ENAH: variants seen among roughly 807,000 people sequenced by gnomAD.
ENAH encodes the protein ENAH actin regulator, also known as protein enabled homolog.
ENAH carries 23 observed loss-of-function variants against 78.7 expected under a neutral mutation model. The ratio of observed to expected loss-of-function variants is 0.29; its 90% CI spans 0.21 to 0.41. ENAH has a LOEUF of 0.41. ENAH is among the 10% of genes least tolerant of loss of function. The pLI is 1.00. For missense variants in ENAH, 544 were observed against 691.0 expected, an observed-to-expected ratio of 0.79 and a Z score of 2.39; for synonymous variants, 226 against 241.0, an observed-to-expected ratio of 0.94 and a Z score of 0.58.
At chr1:225,632,108 T>G (rs1030946694) in intron 1 of ENAH, among the ~76,000 whole-genome samples, 22 of 152,354 alleles carry the variant, frequency 1.4e-4, no homozygotes, top group East Asian at 3.9e-4. Context: ...TTAAATACTT[T>G]CATTGTTTAG....
At position 225,488,471 on chromosome 1, in the gene ENAH, T is replaced by C. The variant is rs1029433733; in HGVS notation, c.*9304A>G. The stretch of plus-strand genomic sequence containing the variant: ...TCCCACCAGCTACATAATAGGGACT[T>C]TCAGGATGCTCCTATAAATACAGAC... On this transcript the variant is annotated 3_prime_UTR_variant, in exon 14 of 14. Coordinates refer to ENST00000366843, the MANE Select transcript of ENAH (RefSeq NM_018212.6). 18 of 152,112 alleles carry C rather than the reference T, an allele frequency of 1.2e-4. No individual in the cohort carries two copies. The highest frequency in any genetic ancestry group is 3.4e-4 in the African/African-American group (14 of 41,410). 9.4% of individuals were successfully genotyped at this position (152,112 alleles called of 1,614,324 possible).
rs1381768646 is a variant in ENAH at position 225,491,731 on chromosome 1, T to G, written c.*6044A>C. 1 of 152,194 alleles carries G rather than the reference T, an allele frequency of 6.6e-6. No individual in the cohort carries two copies. The highest frequency in any genetic ancestry group is 1.9e-4 in the East Asian group (1 of 5,200). 9.4% of individuals were successfully genotyped at this position (152,194 alleles called of 1,614,324 possible). ...ATCTAAACACTAGCCAATGTAGACT[T>G]TTTCTTCTGAGTGCTTTTTCCTATG... On this transcript the variant is annotated 3_prime_UTR_variant, in exon 14 of 14. Coordinates refer to ENST00000366843, the MANE Select transcript of ENAH (RefSeq NM_018212.6).
chr1:225,590,312 T>TA (rs2096869404), intron 1 of ENAH, among the ~76,000 whole-genome samples: 1 of 151,702 alleles, frequency 6.6e-6, no homozygotes, highest in Admixed American at 6.6e-5. Context: ...CTGTCTCAAC[T>TA]AAAAAATACA....
At chr1:225,518,914 AAC>A (rs949474251) in intron 5 of ENAH, 1 of 392,376 alleles carries the variant, frequency 2.5e-6, no homozygotes, top group African/African-American at 2.0e-5. Flanking sequence ...TTCCCATAAA[AAC>A]ACACTTACAC....
chr1:225,652,837 C>A lies in ENAH; in HGVS notation c.-147G>T, dbSNP rs116481763. 5 of 543,096 alleles carry A rather than the reference C, an allele frequency of 9.2e-6. No individual in the cohort carries two copies. In the East Asian group the frequency reaches 1.7e-4, roughly 19 times the overall value. The allele number at this position is 543,096 out of a possible 1,614,324, so 33.6% of individuals were successfully genotyped here. A position where few individuals can be genotyped will look rare whatever the true frequency, so the allele number is the denominator to read the frequency against. On this transcript the variant is annotated 5_prime_UTR_variant, in exon 1 of 14. Transcript: ENST00000366843. ...CTCCTTCGGCGGCCAGGGGGCTACACCATCTCCTCGCACAAAGCCGAGGCG... is the reference window on the plus strand; with the variant it reads ...CTCCTTCGGCGGCCAGGGGGCTACAACATCTCCTCGCACAAAGCCGAGGCG...
intron 1 of ENAH, among the ~76,000 whole-genome samples, chr1:225,574,919 A>AAAAAAAAAATAT (rs1177451807): frequency 3.3e-4 from 1 of 2,992 alleles, no homozygotes; most frequent in Admixed American, 4.5e-3. Context: ...AAAAAAAAAA[A>AAAAAAAAAATAT]ATATATATAT....
At chr1:225,535,293 TCTAA>T (rs1256847422) in intron 3 of ENAH, among the ~76,000 whole-genome samples, 3 of 152,100 alleles carry the variant, frequency 2.0e-5, no homozygotes, top group Non-Finnish European at 2.9e-5. Context: ...AGATCCTAAT[TCTAA>T]CTAATTCTAA....
intron 5 of ENAH, 124 bp from the exon 6 acceptor site, chr1:225,517,430 G>A: frequency 6.4e-7 from 1 of 1,551,770 alleles, no homozygotes; most frequent in East Asian, 2.4e-5. Context: ...AGTGGAGGCG[G>A]CGGCGGAGGA....
At chr1:225,601,227 G>T (rs2096928942) in intron 1 of ENAH, among the ~76,000 whole-genome samples, 1 of 152,038 alleles carries the variant, frequency 6.6e-6, no homozygotes, top group Non-Finnish European at 1.5e-5. Context: ...ACAAACAGAA[G>T]GTTCCAATTA....
chr1:225,506,198 A>G (rs1307916576), intron 11 of ENAH, among the ~76,000 whole-genome samples: 3 of 152,146 alleles, frequency 2.0e-5, no homozygotes, highest in Non-Finnish European at 4.4e-5. Context: ...AGCATGATGA[A>G]GAGAAAGGAC....
At chr1:225,569,219 T>C (rs2096748640) in intron 1 of ENAH, among the ~76,000 whole-genome samples, 1 of 152,222 alleles carries the variant, frequency 6.6e-6, no homozygotes, top group Non-Finnish European at 1.5e-5. Context: ...AATAATTCAA[T>C]AAACAAATCT....
intron 1 of ENAH, among the ~76,000 whole-genome samples, chr1:225,622,670 G>C (rs928097477): frequency 2.0e-5 from 3 of 152,088 alleles, no homozygotes; most frequent in African/African-American, 4.8e-5. Flanking sequence ...AGGGCAAAAG[G>C]AGCAAGCTCC....
intron 1 of ENAH, among the ~76,000 whole-genome samples, chr1:225,615,276 C>A (rs942914000): frequency 1.3e-5 from 2 of 152,352 alleles, no homozygotes; most frequent in East Asian, 3.9e-4. Context: ...AGCTCCTGAC[C>A]GCGAGTGATC....
chr1:225,559,226 C>T (rs1406277020), intron 2 of ENAH, among the ~76,000 whole-genome samples: 1 of 152,126 alleles, frequency 6.6e-6, no homozygotes, highest in Admixed American at 6.5e-5. Context: ...TATTTCTTAA[C>T]ACCTACACCT....
At chr1:225,562,469 G>A (rs1434524544) in intron 2 of ENAH, among the ~76,000 whole-genome samples, 1 of 150,830 alleles carries the variant, frequency 6.6e-6, no homozygotes, top group African/African-American at 2.4e-5. Flanking sequence ...CTGCTCGGGA[G>A]GCTGAGGCAG....
intron 2 of ENAH, among the ~76,000 whole-genome samples, chr1:225,561,020 T>C (rs1422594187): frequency 6.7e-6 from 1 of 150,142 alleles, no homozygotes; most frequent in East Asian, 2.0e-4. Flanking sequence ...CAGATCACGA[T>C]GTCAGGAGAT....
chr1:225,622,811 A>G (rs1657234100), intron 1 of ENAH, among the ~76,000 whole-genome samples: 1 of 152,162 alleles, frequency 6.6e-6, no homozygotes, highest in South Asian at 2.1e-4. Flanking sequence ...CATAACCACA[A>G]GCCTTAAGCA....
chr1:225,650,169 C>T (rs1405036800), intron 1 of ENAH, among the ~76,000 whole-genome samples: 1 of 152,212 alleles, frequency 6.6e-6, no homozygotes, highest in Admixed American at 6.5e-5. Context: ...TACTACCTAA[C>T]CACCTGCCAA....
At chr1:225,516,591 T>C (rs1434890386) in intron 6 of ENAH, among the ~76,000 whole-genome samples, 2 of 152,138 alleles carry the variant, frequency 1.3e-5, no homozygotes, top group Admixed American at 6.6e-5. Flanking sequence ...AAGACATGTA[T>C]TAGCTGGGTG....
Sources: allele counts gnomAD v4.1 joint callset (sites outside exome capture counted in the v4.1 genomes callset), GRCh38; gene constraint gnomAD v4.1.1; transcripts MANE v1.5; gene names NCBI Gene and HGNC (gene_info 2026-07-23, HGNC 2026-07-21).